Variants in THAP5 observed in about 807,000 individuals in gnomAD.
THAP5 encodes the protein THAP domain containing 5, also known as THAP domain-containing protein 5.
Under a neutral mutation model 34.0 loss-of-function variants are expected in THAP5, and 26 were observed. That is an observed-to-expected ratio of 0.77 (90% confidence interval 0.56 to 1.06). The LOEUF (loss-of-function observed/expected upper bound fraction) is 1.06. THAP5 is among the 50% of genes least tolerant of loss of function. The pLI is 0.00. For missense variants in THAP5, 394 were observed against 452.8 expected, an observed-to-expected ratio of 0.87 and a Z score of 1.18; for synonymous variants, 125 against 153.0, an observed-to-expected ratio of 0.82 and a Z score of 1.35.
rs1274986833 is a variant in THAP5 at position 108,569,562 on chromosome 7, C to T, written c.8G>A (p.Arg3His). MP[R>H]YCAAICCKNR... is the part of the protein sequence containing the mutation. Reference sequence around the variant, plus strand: ...CTTACAACAAATCGCTGCGCAATAGCGGGGCATGACTCGGGTGAGGCCCCT... The same window carrying T: ...CTTACAACAAATCGCTGCGCAATAGTGGGGCATGACTCGGGTGAGGCCCCT... Residue 3 changes from arginine to histidine, a missense_variant, in exon 1 of 3, where the codon CGC becomes CAC. Coordinates refer to ENST00000415914, the MANE Select transcript of THAP5 (RefSeq NM_001130475.3). 5 of 1,551,586 alleles carry T rather than the reference C, an allele frequency of 3.2e-6. No homozygotes were observed. Among genetic ancestry groups the T allele is most frequent in the Non-Finnish European group, 4.4e-6 (5 of 1,147,010 alleles).
At chr7:108,549,588 T>C (rs1340586254), downstream of THAP5, among the ~76,000 whole-genome samples, 2 of 152,234 alleles carry the variant, frequency 1.3e-5, no homozygotes, top group Non-Finnish European at 2.9e-5. Flanking sequence ...CTTCCCAATA[T>C]ACATTGTGTA....
At chr7:108,548,854 G>A in the THAP5 span, among the ~76,000 whole-genome samples, 3 of 152,098 alleles carry the variant, frequency 2.0e-5, 1 homozygote, top group Admixed American at 2.0e-4. Context: ...AATTTAAGAT[G>A]AGATTTGGGT....
downstream of THAP5, among the ~76,000 whole-genome samples, chr7:108,550,092 TACATTTTCCA>T (rs1264781393): frequency 6.6e-6 from 1 of 152,228 alleles, no homozygotes; most frequent in Non-Finnish European, 1.5e-5. Flanking sequence ...TTCCCTAGAA[TACATTTTCCA>T]ACAGCTTCCT....
intron 1 of THAP5, among the ~76,000 whole-genome samples, chr7:108,567,527 C>T (rs1790511149): frequency 6.6e-6 from 1 of 151,866 alleles, no homozygotes; most frequent in Admixed American, 6.6e-5. Context: ...TGTATTGCTT[C>T]AATAGGTAAA....
At chr7:108,547,636 G>A in the THAP5 span, among the ~76,000 whole-genome samples, 75 of 152,204 alleles carry the variant, frequency 4.9e-4, no homozygotes, top group South Asian at 1.2e-3. Flanking sequence ...GGCAGTATTC[G>A]TCTAAGATTT....
intron 1 of THAP5, among the ~76,000 whole-genome samples, chr7:108,566,906 G>A (rs563714419): frequency 3.9e-5 from 6 of 152,082 alleles, no homozygotes; most frequent in Non-Finnish European, 7.4e-5. Context: ...TTTGAAAATG[G>A]TTTATATTCC....
the THAP5 span, among the ~76,000 whole-genome samples, chr7:108,544,360 A>G: frequency 0.61 from 91,983 of 151,432 alleles, 28,909 homozygotes; most frequent in African/African-American, 0.77. Flanking sequence ...GTGAAACCCC[A>G]TCTCTACTAA....
the THAP5 span, among the ~76,000 whole-genome samples, chr7:108,544,041 C>G: frequency 6.6e-6 from 1 of 152,044 alleles, no homozygotes; most frequent in Non-Finnish European, 1.5e-5. Context: ...ATATAACTTA[C>G]CAAAACTAAC....
Position 108,564,714 on chromosome 7 carries a change from T to C in THAP5, c.665A>G (p.Gln222Arg). 6.2e-7 allele frequency: 1 copy of C among 1,613,764 alleles called. No individual in the cohort carries two copies. The highest frequency in any genetic ancestry group is 8.5e-7 in the Non-Finnish European group (1 of 1,179,848). The change falls in exon 3 of 3, where the codon CAA becomes CGA. Residue 222 changes from glutamine (Q) to arginine (R), a missense_variant. Gln to Arg is a conservative substitution (Grantham distance 43). Coordinates refer to ENST00000415914, the MANE Select transcript of THAP5 (RefSeq NM_001130475.3). ...SESIHQSLET[Q>R]EVLEVTTSHL... ...ACTGGTAGTTACTTCAAGAACTTCT[T>C]GAGTTTCCAAAGATTGATGAATACT...
intron 1 of THAP5, 107 bp from the exon 2 acceptor site, chr7:108,566,129 T>A (rs775423285): frequency 3.3e-6 from 3 of 895,926 alleles, no homozygotes; most frequent in Non-Finnish European, 4.9e-6. Context: ...ATCAAGTAAG[T>A]ACTACAAGAG....
downstream of THAP5, among the ~76,000 whole-genome samples, chr7:108,550,295 T>C (rs1864345516): frequency 6.6e-6 from 1 of 152,184 alleles, no homozygotes; most frequent in African/African-American, 2.4e-5. Flanking sequence ...TTGCTGAAGG[T>C]CTGTAAAATC....
At chr7:108,546,106 CTTATTAAATAGCAT>C in the THAP5 span, among the ~76,000 whole-genome samples, 1 of 152,106 alleles carries the variant, frequency 6.6e-6, no homozygotes, top group Non-Finnish European at 1.5e-5. Flanking sequence ...CTAAATAGTA[CTTATTAAATAGCAT>C]TTATTAAATA....
At position 108,564,176 on chromosome 7, in the gene THAP5, T is replaced by C. The variant is rs1470645268; in HGVS notation, c.*15A>G. On this transcript the variant is annotated 3_prime_UTR_variant, in exon 3 of 3. Coordinates refer to ENST00000415914, the MANE Select transcript of THAP5 (RefSeq NM_001130475.3). The stretch of plus-strand genomic sequence containing the variant: ...AAAGCTTATTTAACAGCCATAGTTT[T>C]AAAACCTAGTTATTCTATATCATAG... The C allele has an allele frequency of 6.5e-7, 1 of 1,538,100 alleles. No homozygotes were observed. Among genetic ancestry groups the C allele is most frequent in the Admixed American group, 2.2e-5 (1 of 46,262 alleles).
intron 1 of THAP5, among the ~76,000 whole-genome samples, chr7:108,566,432 C>G (rs180955213): frequency 2.5e-4 from 38 of 152,082 alleles, no homozygotes; most frequent in African/African-American, 8.9e-4. Flanking sequence ...TTCATAATAC[C>G]ACCACATGTC....
Position 108,563,042 on chromosome 7 carries a change from T to C in THAP5, c.*1149A>G, listed in dbSNP as rs1790391641. The C allele has an allele frequency of 6.6e-6, 1 of 152,204 alleles. No individual in the cohort carries two copies. Among genetic ancestry groups the C allele is most frequent in the Admixed American group, 6.5e-5 (1 of 15,282 alleles). 9.4% of individuals were successfully genotyped at this position (152,204 alleles called of 1,614,324 possible). On this transcript the variant is annotated 3_prime_UTR_variant, in exon 3 of 3. Transcript: ENST00000415914. The stretch of plus-strand genomic sequence containing the variant: ...TACAAACTGTAATTTCTAAAATATA[T>C]TTAAAATTAACCTCATTAAAATTTT...
At chr7:108,549,982 T>C (rs1263902328), downstream of THAP5, among the ~76,000 whole-genome samples, 3 of 152,210 alleles carry the variant, frequency 2.0e-5, no homozygotes, top group African/African-American at 7.2e-5. Flanking sequence ...GAATTTCCTT[T>C]TTTCCTATTT....
Position 108,565,992 on chromosome 7 carries a change from T to A in THAP5, c.111A>T (p.Glu37Asp). The A allele has an allele frequency of 2.6e-6, 4 of 1,537,438 alleles. No homozygotes were observed. ...PFPLHDKERLEKWLKNMKRDS... is the reference protein window; with the variant it reads ...PFPLHDKERLDKWLKNMKRDS... ...CTCGCTTCATATTCTTTAACCACTTTTCCAGTCTTTCTTTGTCATGTAGAG... is the reference window on the plus strand; with the variant it reads ...CTCGCTTCATATTCTTTAACCACTTATCCAGTCTTTCTTTGTCATGTAGAG... The change falls in exon 2 of 3, where the codon GAA (glutamate) becomes GAT (aspartate). Residue 37 changes from glutamate to aspartate, a missense_variant. Transcript: ENST00000415914.
At position 108,564,424 on chromosome 7, in the gene THAP5, G is replaced by T. The variant is rs373994318; in HGVS notation, c.955C>A (p.Gln319Lys). The change falls in exon 3 of 3, where the codon CAA becomes AAA. Residue 319 changes from glutamine to lysine, a missense_variant. By Grantham distance (53) the Gln-to-Lys change is moderately conservative. Coordinates refer to ENST00000415914, the MANE Select transcript of THAP5 (RefSeq NM_001130475.3). ...TGTCTGCAGTAAGAATGTTCGATTT[G>T]TAAAACTTCTGTCCCATAGTCTACA... ...KDVDYGTEVL[Q>K]IEHSYCRQDI... 1 of 1,613,868 alleles carries T rather than the reference G, an allele frequency of 6.2e-7. No homozygotes were observed. The highest frequency in any genetic ancestry group is 1.3e-5 in the African/African-American group (1 of 75,034).
chr7:108,565,195 C>T, intron 2 of THAP5, 90 bp from the exon 3 acceptor site: 1 of 1,013,028 alleles, frequency 9.9e-7, no homozygotes, highest in Non-Finnish European at 1.4e-6. Flanking sequence ...GAGTAGTACA[C>T]TGGCCAAGCA....
Sources: allele counts gnomAD v4.1 joint callset (sites outside exome capture counted in the v4.1 genomes callset), GRCh38; gene constraint gnomAD v4.1.1; transcripts MANE v1.5; gene names NCBI Gene and HGNC (gene_info 2026-07-23, HGNC 2026-07-21).